ESRRG: variants seen among roughly 807,000 people sequenced by gnomAD.
The protein encoded by ESRRG is estrogen-related receptor gamma.
In ESRRG, 13 loss-of-function variants were observed where a neutral mutation model predicts 44.0. The observed-to-expected ratio is 0.30, with a 90% CI of 0.19 to 0.47. ESRRG has a LOEUF of 0.47. ESRRG is among the 20% of genes least tolerant of loss of function. The pLI is 1.00. For missense variants in ESRRG, 395 were observed against 580.6 expected, an observed-to-expected ratio of 0.68 and a Z score of 3.29; for synonymous variants, 215 against 214.6, an observed-to-expected ratio of 1.00 and a Z score of -0.02.
chr1:217,071,663 C>T lies in ESRRG; in HGVS notation c.-106+17844G>A, dbSNP rs79974030. On this transcript the variant is annotated intron_variant, in intron 1 of 7. Transcript: ENST00000359162. The stretch of plus-strand genomic sequence containing the variant: ...ATTTCAAAATAGGATGTTGCCCCAT[C>T]AAATAGCTTGGAGACAAAAACCTCC... Among the ~76,000 whole-genome samples the T allele has an allele frequency of 5.8e-3, 881 of 152,258 alleles. 11 individuals are homozygous for T. Among genetic ancestry groups the T allele is most frequent in the African/African-American group, 0.02 (837 of 41,560 alleles).
intron 1 of ESRRG, among the ~76,000 whole-genome samples, chr1:216,699,391 A>G (rs754843726): frequency 1.4e-4 from 22 of 152,202 alleles, no homozygotes; most frequent in Middle Eastern, 3.2e-3. Context: ...TATGAAATTC[A>G]TATATTCAAA....
At chr1:216,790,157 C>T (rs1435189394) in intron 2 of ESRRG, among the ~76,000 whole-genome samples, 3 of 152,128 alleles carry the variant, frequency 2.0e-5, no homozygotes, top group Non-Finnish European at 4.4e-5. Flanking sequence ...AGGAACAGAG[C>T]TGCCTGACAA....
rs1299627734 is a variant in ESRRG, at chr1:216,504,509, A to T, written c.*2430T>A. On this transcript the variant is annotated 3_prime_UTR_variant, in exon 7 of 7. Transcript: ENST00000408911. ...ATCTACAATATAGTCCCATATAGCT[A>T]ATGATAGATACACAGTATTCCTAGC... 6.6e-6 allele frequency: 1 copy of T among 152,592 alleles called. No individual in the cohort carries two copies. Among genetic ancestry groups the T allele is most frequent in the Non-Finnish European group, 1.5e-5 (1 of 68,010 alleles). 9.5% of individuals were successfully genotyped at this position (152,592 alleles called of 1,614,324 possible).
intron 2 of ESRRG, among the ~76,000 whole-genome samples, chr1:216,906,994 A>C (rs1002349726): frequency 6.6e-6 from 1 of 152,222 alleles, no homozygotes; most frequent in Non-Finnish European, 1.5e-5. Flanking sequence ...ATGTGAGTGT[A>C]TATGGTGGGG....
chr1:216,730,089 G>T (rs979769864), intron 2 of ESRRG, among the ~76,000 whole-genome samples: 12 of 152,034 alleles, frequency 7.9e-5, no homozygotes, highest in African/African-American at 2.9e-4. Flanking sequence ...TATTAGAAAA[G>T]ATTACATTTC....
intron 2 of ESRRG, among the ~76,000 whole-genome samples, chr1:216,884,158 C>G (rs2096487010): frequency 6.6e-6 from 1 of 152,164 alleles, no homozygotes; most frequent in Non-Finnish European, 1.5e-5. Flanking sequence ...ACTTAAGGCT[C>G]TGCTGCAGGA....
chr1:216,793,906 A>G (rs138505439), intron 2 of ESRRG, among the ~76,000 whole-genome samples: 6 of 151,994 alleles, frequency 3.9e-5, no homozygotes, highest in African/African-American at 1.4e-4. Flanking sequence ...TGTTTTTATC[A>G]TTAAAGTAAA....
At chr1:216,946,253 G>T (rs1261840015) in intron 1 of ESRRG, among the ~76,000 whole-genome samples, 1 of 152,098 alleles carries the variant, frequency 6.6e-6, no homozygotes, top group Non-Finnish European at 1.5e-5. Flanking sequence ...GATGCTATCA[G>T]AACCCTCCCA....
chr1:217,123,924 T>A (rs1291145370), intron 1 of ESRRG, among the ~76,000 whole-genome samples: 1 of 152,088 alleles, frequency 6.6e-6, no homozygotes, highest in Non-Finnish European at 1.5e-5. Flanking sequence ...AGTAAAGTAA[T>A]AATTTTTAAA....
chr1:217,101,681 A>G (rs773996592), intron 1 of ESRRG, among the ~76,000 whole-genome samples: 3 of 152,084 alleles, frequency 2.0e-5, no homozygotes, highest in Non-Finnish European at 4.4e-5. Flanking sequence ...CAGCAAACAC[A>G]CACACCCACA....
intron 1 of ESRRG, among the ~76,000 whole-genome samples, chr1:217,095,013 G>T (rs563049080): frequency 2.7e-5 from 4 of 150,692 alleles, no homozygotes; most frequent in South Asian, 4.2e-4. Flanking sequence ...GAAGTTGTAG[G>T]CAAAGTGTGT....
chr1:216,513,614 C>T (rs1362372900), intron 6 of ESRRG, among the ~76,000 whole-genome samples: 2 of 152,146 alleles, frequency 1.3e-5, no homozygotes, highest in Non-Finnish European at 2.9e-5. Context: ...TGTTGAACCA[C>T]AGAAAACCTC....
At chr1:216,677,551 C>A in intron 1 of ESRRG, 60 bp from the exon 2 acceptor site, 6 of 1,386,012 alleles carry the variant, frequency 4.3e-6, no homozygotes, top group South Asian at 2.9e-5. Flanking sequence ...GCACAGAGAC[C>A]AAAAGAGGTA....
At chr1:216,732,428 GT>G (rs2089011702) in intron 2 of ESRRG, among the ~76,000 whole-genome samples, 2 of 149,508 alleles carry the variant, frequency 1.3e-5, no homozygotes, top group Admixed American at 1.3e-4. Context: ...CCAGGCTGGT[GT>G]GCAGTGGCAC....
intron 2 of ESRRG, among the ~76,000 whole-genome samples, chr1:216,922,448 A>G (rs2061961560): frequency 6.6e-6 from 1 of 152,178 alleles, no homozygotes. Context: ...TCTAAGGATC[A>G]TATTTGTCCA....
intron 1 of ESRRG, among the ~76,000 whole-genome samples, chr1:217,134,919 G>T (rs80337688): frequency 6.6e-6 from 1 of 152,236 alleles, no homozygotes; most frequent in African/African-American, 2.4e-5. Context: ...GGCCGCAGCC[G>T]CTGGAAAAAG....
intron 2 of ESRRG, among the ~76,000 whole-genome samples, chr1:216,918,121 G>A (rs765999982): frequency 1.6e-4 from 25 of 152,112 alleles, no homozygotes; most frequent in Admixed American, 8.5e-4. Context: ...CATGTTTTGC[G>A]AAATTTAAAA....
intron 2 of ESRRG, among the ~76,000 whole-genome samples, chr1:216,938,494 G>GA (rs1232511294): frequency 6.6e-6 from 1 of 152,168 alleles, no homozygotes; most frequent in Non-Finnish European, 1.5e-5. Flanking sequence ...CTTCAAACAT[G>GA]AAAACATATT....
At chr1:217,104,109 C>G (rs1429960015) in intron 1 of ESRRG, among the ~76,000 whole-genome samples, 2 of 152,184 alleles carry the variant, frequency 1.3e-5, no homozygotes, top group South Asian at 4.1e-4. Flanking sequence ...CTTCCCTCAG[C>G]ACCTATTCCT....
Sources: gnomAD v4.1 joint callset for allele counts (sites outside exome capture counted in the v4.1 genomes callset) on GRCh38, gnomAD v4.1.1 for gene constraint, MANE v1.5 for transcripts, NCBI Gene and HGNC (gene_info 2026-07-23, HGNC 2026-07-21) for gene names.